CADPS2: variants seen among roughly 807,000 people sequenced by gnomAD.
CADPS2 encodes the protein calcium dependent secretion activator 2, also known as calcium-dependent secretion activator 2.
Under a neutral mutation model 172.5 loss-of-function variants are expected in CADPS2, and 93 were observed. The observed-to-expected ratio is 0.54, with a 90% CI of 0.46 to 0.64. The LOEUF is 0.64. Among genes scored for constraint, CADPS2 ranks in the 30% least tolerant of loss-of-function variants. CADPS2 has a pLI of 0.00. For synonymous variants in CADPS2, 546 were observed against 555.2 expected (o/e 0.98, Z 0.23); for missense variants, 1,420 against 1,565.9 (o/e 0.91, Z 1.57).
intron 1 of CADPS2, among the ~76,000 whole-genome samples, chr7:122,882,408 AAACTC>A (rs1004986079): frequency 1.3e-5 from 2 of 152,138 alleles, no homozygotes; most frequent in African/African-American, 4.8e-5. Context: ...AAATACATAA[AAACTC>A]AAATAATGAA....
intron 5 of CADPS2, 77 bp from the exon 6 acceptor site, chr7:122,615,376 G>C: frequency 1.1e-6 from 1 of 920,516 alleles, no homozygotes; most frequent in South Asian, 2.4e-5. Flanking sequence ...AGCATGAACT[G>C]TAATAAGGAA....
intron 7 of CADPS2, among the ~76,000 whole-genome samples, chr7:122,572,715 T>C (rs951925965): frequency 2.6e-5 from 4 of 152,162 alleles, no homozygotes; most frequent in African/African-American, 9.7e-5. Flanking sequence ...CAAAACTTGC[T>C]TTTCAAGTTT....
At chr7:122,577,036 T>C (rs373644916) in intron 7 of CADPS2, among the ~76,000 whole-genome samples, 3 of 151,970 alleles carry the variant, frequency 2.0e-5, no homozygotes, top group Admixed American at 6.6e-5. Flanking sequence ...GCTGGGATTA[T>C]AGGCATGAGC....
intron 3 of CADPS2, among the ~76,000 whole-genome samples, chr7:122,630,273 A>G (rs17144645): frequency 0.057 from 8,674 of 152,242 alleles, 302 homozygotes; most frequent in South Asian, 0.16. Flanking sequence ...CAAATTGACC[A>G]GGTTACATTT....
chr7:122,669,707 C>G (rs543473516), intron 2 of CADPS2, among the ~76,000 whole-genome samples: 2 of 152,050 alleles, frequency 1.3e-5, no homozygotes, highest in African/African-American at 2.4e-5. Flanking sequence ...AGGTGTGGAG[C>G]CTTCCACATC....
intron 8 of CADPS2, among the ~76,000 whole-genome samples, chr7:122,520,338 T>C (rs903016376): frequency 6.6e-6 from 1 of 151,386 alleles, no homozygotes; most frequent in African/African-American, 2.4e-5. Context: ...CGGTTGAATG[T>C]GTGTGTTTTT....
chr7:122,829,829 G>C (rs2140550149), intron 1 of CADPS2, among the ~76,000 whole-genome samples: 1 of 152,200 alleles, frequency 6.6e-6, no homozygotes, highest in Middle Eastern at 3.4e-3. Context: ...CTTAAAGATG[G>C]TGTTGTATCT....
chr7:122,705,464 ATATATTATATATATT>A (rs1439624484), intron 2 of CADPS2, among the ~76,000 whole-genome samples: 4 of 134,028 alleles, frequency 3.0e-5, no homozygotes, highest in South Asian at 4.3e-4. Context: ...TATCTATATT[ATATATTATATATATT>A]TATATTATAT....
At chr7:122,598,839 C>G (rs1031299211) in intron 6 of CADPS2, among the ~76,000 whole-genome samples, 1 of 152,048 alleles carries the variant, frequency 6.6e-6, no homozygotes, top group Admixed American at 6.6e-5. Flanking sequence ...TTGAATAAGA[C>G]CTGCCTTCTG....
At chr7:122,503,817 G>GAA (rs972287618) in intron 9 of CADPS2, among the ~76,000 whole-genome samples, 40 of 152,118 alleles carry the variant, frequency 2.6e-4, no homozygotes, top group African/African-American at 9.6e-4. Context: ...TCAGAATTGG[G>GAA]AAAAAAAGCC....
At chr7:122,652,073 G>T (rs2135007077) in intron 3 of CADPS2, among the ~76,000 whole-genome samples, 1 of 152,224 alleles carries the variant, frequency 6.6e-6, no homozygotes, top group Middle Eastern at 3.4e-3. Context: ...GAACACCTTA[G>T]CATCTACTCA....
At chr7:122,342,532 T>C (rs2036937816) in intron 28 of CADPS2, among the ~76,000 whole-genome samples, 1 of 152,188 alleles carries the variant, frequency 6.6e-6, no homozygotes, top group Admixed American at 6.6e-5. Flanking sequence ...TTATTTAGTA[T>C]TACATGCTTT....
intron 3 of CADPS2, among the ~76,000 whole-genome samples, chr7:122,640,337 G>A (rs1301561729): frequency 6.6e-6 from 1 of 151,244 alleles, no homozygotes; most frequent in African/African-American, 2.4e-5. Context: ...GTACATTACA[G>A]TGTTTCTCTA....
In CADPS2 at chr7:122,886,202, C is replaced by G; in HGVS notation, c.136G>C (p.Gly46Arg). The G allele has an allele frequency of 6.8e-7, 1 of 1,470,534 alleles. No individual in the cohort carries two copies. The highest frequency in any genetic ancestry group is 8.9e-7 in the Non-Finnish European group (1 of 1,120,714). 91.1% of individuals were successfully genotyped at this position (1,470,534 alleles called of 1,614,324 possible). Residue 46 changes from glycine to arginine, a missense_variant, in exon 1 of 30, where the codon GGG (glycine) becomes CGG (arginine). Gly to Arg is a moderately radical substitution (Grantham distance 125, BLOSUM62 -2). Coordinates refer to ENST00000449022, the MANE Select transcript of CADPS2 (RefSeq NM_017954.11). ...GCCGCGCCGCCGCCGCCCGCGCGCC[C>G]CGGCGCGTCCCGCCGCCCTTCCCGA... ...PTREGRRDAP[G>R]RAGGGGAARS...
chr7:122,682,832 G>A (rs2083198892), intron 2 of CADPS2, among the ~76,000 whole-genome samples: 1 of 152,204 alleles, frequency 6.6e-6, no homozygotes, highest in Admixed American at 6.5e-5. Context: ...TCTAGAGATG[G>A]GATAATTCCC....
intron 1 of CADPS2, among the ~76,000 whole-genome samples, chr7:122,777,050 T>C (rs958574633): frequency 6.6e-6 from 1 of 151,916 alleles, no homozygotes; most frequent in East Asian, 1.9e-4. Flanking sequence ...ACTCACGAGG[T>C]TGAGGCAGAA....
Position 122,514,596 on chromosome 7 carries a change from G to A in CADPS2, c.1476-1281C>T, listed in dbSNP as rs569340185. Among the ~76,000 whole-genome samples, 11 of 152,114 alleles carry A rather than the reference G, an allele frequency of 7.2e-5. No homozygotes were observed. In the South Asian group the frequency reaches 2.1e-3, roughly 29 times the overall value. On this transcript the variant is annotated intron_variant, in intron 8 of 29. Coordinates refer to ENST00000449022, the MANE Select transcript of CADPS2 (RefSeq NM_017954.11). ...ATCTTGGGAGATGATCTTCTTGTAG[G>A]ATAACATGTCAATACATCGAAATAG... is the stretch of plus-strand genomic sequence containing the variant.
intron 14 of CADPS2, among the ~76,000 whole-genome samples, chr7:122,455,265 C>T (rs1340863787): frequency 6.6e-6 from 1 of 152,152 alleles, no homozygotes; most frequent in Non-Finnish European, 1.5e-5. Context: ...TATATGCACA[C>T]ATGCACACCT....
At chr7:122,353,446 G>A (rs1476567268) in intron 27 of CADPS2, among the ~76,000 whole-genome samples, 1 of 152,024 alleles carries the variant, frequency 6.6e-6, no homozygotes, top group African/African-American at 2.4e-5. Flanking sequence ...CCAATGAAGA[G>A]AGACAGTTTC....
Sources: allele counts gnomAD v4.1 joint callset (sites outside exome capture counted in the v4.1 genomes callset), GRCh38; gene constraint gnomAD v4.1.1; transcripts MANE v1.5; gene names NCBI Gene and HGNC (gene_info 2026-07-23, HGNC 2026-07-21).